SIGLEC11: variants seen among roughly 807,000 people sequenced by gnomAD.
SIGLEC11 encodes the protein sialic acid-binding Ig-like lectin 11.
A neutral mutation model predicts 61.2 loss-of-function variants in SIGLEC11; 47 were observed. The ratio of observed to expected loss-of-function variants is 0.77; its 90% confidence interval spans 0.61 to 0.98. The LOEUF (loss-of-function observed/expected upper bound fraction) is 0.98, where lower values mean the gene tolerates loss of function less well. SIGLEC11 is among the 50% of genes least tolerant of loss of function. The pLI is 0.00. For missense variants in SIGLEC11, 610 were observed against 870.3 expected (o/e 0.70, Z 3.76); for synonymous variants, 278 against 373.1 (o/e 0.75, Z 2.94).
At position 49,961,095 on chromosome 19, in the gene SIGLEC11, C is replaced by T. The variant is rs971598056; in HGVS notation, c.-14G>A. On this transcript the variant is annotated 5_prime_UTR_variant, in exon 1 of 11. Transcript: ENST00000447370. ...TCCCGGGACCATCTGGCTTCTGGGC[C>T]GGCCTGGCTGGGAAGGAAACTCCTC... 2.0e-5 allele frequency: 28 copies of T among 1,428,902 alleles called. No individual in the cohort carries two copies. The highest frequency in any genetic ancestry group is 1.7e-4 in the Admixed American group (8 of 47,906). The allele number at this position is 1,428,902 out of a possible 1,614,324, so 88.5% of individuals were successfully genotyped here. A position where few individuals can be genotyped will look rare whatever the true frequency, so the allele number is the denominator to read the frequency against.
chr19:49,950,536 G>C (rs1026821867), intron 10 of SIGLEC11, among the ~76,000 whole-genome samples: 3 of 152,160 alleles, frequency 2.0e-5, no homozygotes, highest in South Asian at 4.1e-4. Flanking sequence ...TCCATGATCA[G>C]ATGGAGAAAT....
In SIGLEC11 at chr19:49,961,171, C is replaced by G; in HGVS notation, c.-90G>C. 4 of 1,512,574 alleles carry G rather than the reference C, an allele frequency of 2.6e-6. No homozygotes were observed. The Admixed American group carries it at 6.1e-5, about 23-fold the overall frequency. 93.7% of individuals were successfully genotyped at this position (1,512,574 alleles called of 1,614,324 possible). On this transcript the variant is annotated 5_prime_UTR_variant, in exon 1 of 11. Coordinates refer to ENST00000447370, the MANE Select transcript of SIGLEC11 (RefSeq NM_052884.3). ...GTGACCATCCACAGAGGAGGAGCCT[C>G]GGGAACCGCTATGTCCTGAAAGCTC...
rs1186490257 is a variant in SIGLEC11 at position 49,955,200 on chromosome 19, G to A, written c.1652-2806C>T. On this transcript the variant is annotated intron_variant, in intron 8 of 10. Coordinates refer to ENST00000447370, the MANE Select transcript of SIGLEC11 (RefSeq NM_052884.3). This position sits in a 1 kb window ranked among gnomAD's most constrained non-coding sequence, Gnocchi z 4.5. ...ACCAGAGAACAAAACGGGAAAGAGC[G>A]AAAGCAACAAGCGAGGCACCAAGCA... 1.3e-5 allele frequency among the ~76,000 whole-genome samples: 2 copies of A among 150,236 alleles called. No homozygotes were observed. The highest frequency in any genetic ancestry group is 6.7e-5 in the Admixed American group (1 of 14,854).
rs951671969 is a variant in SIGLEC11 at position 49,955,936 on chromosome 19, A to G, written c.1651+2347T>C. On this transcript the variant is annotated intron_variant, in intron 8 of 10. Coordinates refer to ENST00000447370, the MANE Select transcript of SIGLEC11 (RefSeq NM_052884.3). The surrounding 1 kb of genome is among the most constrained non-coding windows in gnomAD (Gnocchi z 4.5). ...GGCAACAGAGCGAGACTCCGTCTCA[A>G]AAAAAAAAAAAAAAAGAACTTGTAC... Among the ~76,000 whole-genome samples the G allele has an allele frequency of 7.3e-6, 1 of 136,096 alleles. No individual in the cohort carries two copies. The highest frequency in any genetic ancestry group is 3.2e-5 in the African/African-American group (1 of 31,082). The allele number at this position is 136,096 out of a possible 152,430, so 89.3% of individuals were successfully genotyped here.
In SIGLEC11 at chr19:49,960,674, C is replaced by A. The variant is rs753228925; in HGVS notation, c.338G>T (p.Ser113Ile). 1 of 1,609,846 alleles carries A rather than the reference C, an allele frequency of 6.2e-7. No individual in the cohort carries two copies. The highest frequency in any genetic ancestry group is 8.5e-7 in the Non-Finnish European group (1 of 1,179,708). ...CGCGTCTCTGATCACCAAGGAGCAGCTCCCTTTGCCGGGATCCCCAGTGAG... is the reference window on the plus strand; with the variant it reads ...CGCGTCTCTGATCACCAAGGAGCAGATCCCTTTGCCGGGATCCCCAGTGAG... ...FQLTGDPGKG[S>I]CSLVIRDAQR... Residue 113 changes from serine (S) to isoleucine (I), a missense_variant, in exon 2 of 11, where the codon AGC becomes ATC. Ser to Ile is a moderately radical substitution (Grantham distance 142, BLOSUM62 -2). Coordinates refer to ENST00000447370, the MANE Select transcript of SIGLEC11 (RefSeq NM_052884.3).
Position 49,958,655 on chromosome 19 carries a change from G to C in SIGLEC11, c.1351C>G (p.Leu451Val). 6.3e-7 allele frequency: 1 copy of C among 1,599,660 alleles called. No individual in the cohort carries two copies. The highest frequency in any genetic ancestry group is 8.5e-7 in the Non-Finnish European group (1 of 1,172,986). ...PLGSQHVSLS[L>V]SVHYPPQLLG... Reference sequence around the variant, plus strand: ...TTCCCCCACTCACAGTGCACGGAGAGGCTGAGAGAGACGTGCTGGGAGCCC... The same window carrying C: ...TTCCCCCACTCACAGTGCACGGAGACGCTGAGAGAGACGTGCTGGGAGCCC... Residue 451 changes from leucine to valine, a missense_variant, in exon 7 of 11, where the codon CTC (leucine) becomes GTC (valine). Around this residue, in one of 6 missense-constraint regions of SIGLEC11, gnomAD observed 432 missense variants for 441.5 expected, o/e 0.98. Transcript: ENST00000447370.
rs1009232120 is a variant in SIGLEC11 at position 49,958,504 on chromosome 19, G to C, written c.1430C>G (p.Ser477Cys). ...EAEGLHCSCS[S>C]QASPAPSLRW... Reference sequence around the variant, plus strand: ...CAGAGAGGGGGCCGGGCTGGCCTGGGAGGAGCAGCTGCAGTGCAGACCCTC... The same window carrying C: ...CAGAGAGGGGGCCGGGCTGGCCTGGCAGGAGCAGCTGCAGTGCAGACCCTC... The change falls in exon 8 of 11, where the codon TCC becomes TGC. Residue 477 changes from serine (S) to cysteine (C), a missense_variant. Ser to Cys is a moderately radical substitution (Grantham distance 112). Transcript: ENST00000447370. 6.2e-7 allele frequency: 1 copy of C among 1,609,518 alleles called. No homozygotes were observed. The highest frequency in any genetic ancestry group is 1.7e-5 in the Admixed American group (1 of 59,162).
At chr19:49,953,207 C>T (rs1038769056) in intron 8 of SIGLEC11, among the ~76,000 whole-genome samples, 1 of 152,208 alleles carries the variant, frequency 6.6e-6, no homozygotes, top group African/African-American at 2.4e-5. Context: ...GGCGCCCCTA[C>T]CCAGCAGCAC....
chr19:49,950,566 C>A (rs2076152690), intron 10 of SIGLEC11, among the ~76,000 whole-genome samples: 3 of 152,144 alleles, frequency 2.0e-5, no homozygotes, highest in Admixed American at 2.0e-4. Flanking sequence ...GTAAATACCC[C>A]AAACCCGCAC....
At position 49,960,360 on chromosome 19, in the gene SIGLEC11, C is replaced by T. The variant is rs780708695; in HGVS notation, c.522G>A (p.Thr174=). 7 of 1,599,470 alleles carry T rather than the reference C, an allele frequency of 4.4e-6. 1 individual carries two copies. The highest frequency in any genetic ancestry group is 3.4e-5 in the Admixed American group (2 of 59,524). Residue 174 remains threonine, a synonymous_variant, in exon 3 of 11, where the codon ACG becomes ACA. Coordinates refer to ENST00000447370, the MANE Select transcript of SIGLEC11 (RefSeq NM_052884.3). The part of the protein sequence containing the change: ...PETLEPGQPV[T]VICVFNWAFK... Reference sequence around the variant, plus strand: ...AAGCCCAGTTAAACACACAGATGACCGTCACCGGCTGCCCGGGCTCCAGGG... The same window carrying T: ...AAGCCCAGTTAAACACACAGATGACTGTCACCGGCTGCCCGGGCTCCAGGG...
chr19:49,951,413 CA>C lies in SIGLEC11; in HGVS notation c.1830+477del, dbSNP rs2076157265. Among the ~76,000 whole-genome samples, 1 of 152,220 alleles carries C rather than the reference CA, an allele frequency of 6.6e-6. No individual in the cohort carries two copies. Among genetic ancestry groups the C allele is most frequent in the Non-Finnish European group, 1.5e-5 (1 of 68,040 alleles). On this transcript the variant is annotated intron_variant, in intron 10 of 10. Coordinates refer to ENST00000447370, the MANE Select transcript of SIGLEC11 (RefSeq NM_052884.3). This position sits in a 1 kb window ranked among gnomAD's most constrained non-coding sequence, Gnocchi z 4.6. ...CTATAAACCATCACCACGAGGATCA[CA>C]GCTCTCAGTGAGTCCTGCGAGTCCT...
rs1461813665 is a variant in SIGLEC11 at position 49,950,092 on chromosome 19, C to T, written c.1975G>A (p.Asp659Asn). The T allele has an allele frequency of 3.7e-6, 6 of 1,611,242 alleles. No individual in the cohort carries two copies. The highest frequency in any genetic ancestry group is 5.1e-6 in the Non-Finnish European group (6 of 1,178,614). Residue 659 changes from aspartate (D) to asparagine (N), a missense_variant, in exon 11 of 11, where the codon GAC becomes AAC. Transcript: ENST00000447370. ...TCGGTGGTGCTGGGGGCCTCCTGGT[C>T]CGCAGGCTCCCAGAGCCTCAGGCCC... ...FQGLRLWEPADQEAPSTTEYS... is the reference protein window; with the variant it reads ...FQGLRLWEPANQEAPSTTEYS...
chr19:49,951,860 G>A lies in SIGLEC11; in HGVS notation c.1830+31C>T. 1.3e-6 allele frequency: 2 copies of A among 1,547,688 alleles called. No homozygotes were observed. The highest frequency in any genetic ancestry group is 2.0e-5 in the Admixed American group (1 of 50,720). ...GCCATCAAGGAAAGGGGAACAGGCAGGGCCCCAGCAGACAGAGGCTGGGCT... is the reference window on the plus strand; with the variant it reads ...GCCATCAAGGAAAGGGGAACAGGCAAGGCCCCAGCAGACAGAGGCTGGGCT... On this transcript the variant is annotated intron_variant, in intron 10 of 10. Coordinates refer to ENST00000447370, the MANE Select transcript of SIGLEC11 (RefSeq NM_052884.3). This position sits in a 1 kb window ranked among gnomAD's most constrained non-coding sequence, Gnocchi z 4.6.
Position 49,959,011 on chromosome 19 carries a change from C to T in SIGLEC11, c.1105+19G>A, listed in dbSNP as rs748571865. 7.4e-6 allele frequency: 12 copies of T among 1,613,802 alleles called. No individual in the cohort carries two copies. The highest frequency in any genetic ancestry group is 9.3e-6 in the Non-Finnish European group (11 of 1,179,774). On this transcript the variant is annotated intron_variant, in intron 6 of 10. Transcript: ENST00000447370. ...AGTTTGGCACTGAGAGGCCCTGGCT[C>T]CTCTGTCTCCTTTCCTACCTGTCCT...
intron 8 of SIGLEC11, 49 bp downstream of exon 8, chr19:49,958,234 G>C (rs748163091): frequency 6.2e-6 from 10 of 1,600,274 alleles, no homozygotes; most frequent in South Asian, 1.1e-5. Context: ...ATCTTTCTAG[G>C]ATCCTGTCTC....
At chr19:49,957,859 C>T (rs562038325) in intron 8 of SIGLEC11, among the ~76,000 whole-genome samples, 4 of 152,142 alleles carry the variant, frequency 2.6e-5, no homozygotes, top group African/African-American at 7.2e-5. Context: ...GGCGTGGTGG[C>T]GCATGCCTGT....
chr19:49,958,309 C>T lies in SIGLEC11; in HGVS notation c.1625G>A (p.Ser542Asn), dbSNP rs1600616709. ...CKAWNVHGAQ[S>N]GSVFQLLPGK... ...TGGTAGCAGCTGGAAGACAGAGCCACTCTGGGCCCCGTGGACGTTCCAGGC... is the reference window on the plus strand; with the variant it reads ...TGGTAGCAGCTGGAAGACAGAGCCATTCTGGGCCCCGTGGACGTTCCAGGC... Residue 542 changes from serine (S) to asparagine (N), a missense_variant, in exon 8 of 11, where the codon AGT (serine) becomes AAT (asparagine). Transcript: ENST00000447370. 1 of 1,614,210 alleles carries T rather than the reference C, an allele frequency of 6.2e-7. No individual in the cohort carries two copies. The highest frequency in any genetic ancestry group is 8.5e-7 in the Non-Finnish European group (1 of 1,180,030).
rs112537292 is a variant in SIGLEC11, at chr19:49,952,123, AC to A, written c.1749-152del. 2.8e-3 allele frequency: 2,824 copies of A among 1,003,424 alleles called. 59 individuals are homozygous for A. The African/African-American group carries it at 0.041, about 14-fold the overall frequency. 62.2% of individuals were successfully genotyped at this position (1,003,424 alleles called of 1,614,324 possible). A position where few individuals can be genotyped will look rare whatever the true frequency, so the allele number is the denominator to read the frequency against. The stretch of plus-strand genomic sequence containing the variant: ...GTGACTTCCATAGTGAGAACTGGGG[AC>A]CCTCATAGATGGCCCAGATCAGGGC... On this transcript the variant is annotated intron_variant, in intron 9 of 10. Transcript: ENST00000447370.
At chr19:49,952,057 G>T in intron 9 of SIGLEC11, 85 bp from the exon 10 acceptor site, 1 of 1,365,904 alleles carries the variant, frequency 7.3e-7, no homozygotes, top group Non-Finnish European at 9.9e-7. Context: ...GCAGAGGCTG[G>T]AAGGCTGCAG....
Sources: allele counts gnomAD v4.1 joint callset (sites outside exome capture counted in the v4.1 genomes callset), GRCh38; gene constraint gnomAD v4.1.1; regional missense constraint gnomAD v4.1.1; non-coding constraint Gnocchi (gnomAD v3.1); transcripts MANE v1.5; gene names NCBI Gene and HGNC (gene_info 2026-07-23, HGNC 2026-07-21).